The following COL18A1 variants were observed in gnomAD, a reference collection of about 807,000 sequenced individuals.
The protein encoded by COL18A1 is collagen type XVIII alpha 1 chain, also known as collagen alpha-1(XVIII) chain.
In COL18A1, 133 loss-of-function variants were observed where a neutral mutation model predicts 168.0. That is an observed-to-expected ratio of 0.79 (90% CI 0.69 to 0.91). The LOEUF (loss-of-function observed/expected upper bound fraction) is 0.91. Ranked by LOEUF, COL18A1 falls within the 40% of genes least tolerant of loss-of-function variation. The probability of loss-of-function intolerance (pLI) is 0.00; values close to 1 mark genes in which losing one functional copy is unlikely to be tolerated. For synonymous variants in COL18A1, 949 were observed against 809.0 expected (o/e 1.17, Z -2.94); for missense variants, 2,126 against 1,925.4 (o/e 1.10, Z -1.95).
intron 2 of COL18A1, among the ~76,000 whole-genome samples, chr21:45,453,165 GTA>G (rs899672601): frequency 3.9e-5 from 6 of 152,152 alleles, no homozygotes; most frequent in Non-Finnish European, 5.9e-5. Flanking sequence ...GTGTGAGCAT[GTA>G]TGTGTGTGTG....
At chr21:45,407,663 A>G (rs1248590566) in intron 2 of COL18A1, 2 of 152,292 alleles carry the variant, frequency 1.3e-5, no homozygotes, top group Non-Finnish European at 2.9e-5. Flanking sequence ...GCTGATGCCC[A>G]TGGCCACGCC....
chr21:45,473,960 G>A lies in COL18A1; in HGVS notation c.717G>A (p.Glu239=). The part of the protein sequence containing the change: ...PQVSPMHCLD[E]EGDDSDGASG... ...TGAGCCCCATGCACTGCCTGGACGA[G>A]GAAGGCGATGACTCAGATGGGGTGA... The change falls in exon 4 of 42, where the codon GAG becomes GAA. Residue 239 remains glutamate (E), a synonymous_variant. Coordinates refer to ENST00000651438, the MANE Select transcript of COL18A1 (RefSeq NM_001379500.1). This position sits in a 1 kb window ranked among gnomAD's most constrained non-coding sequence, Gnocchi z 4.0. 1 of 1,600,468 alleles carries A rather than the reference G, an allele frequency of 6.2e-7. No individual in the cohort carries two copies.
At chr21:45,470,569 C>T (rs2035384656) in intron 3 of COL18A1, among the ~76,000 whole-genome samples, 1 of 151,144 alleles carries the variant, frequency 6.6e-6, no homozygotes, top group South Asian at 2.1e-4. Flanking sequence ...TCACTGCAAC[C>T]TCTGCCTCCC....
chr21:45,497,729 T>G, intron 32 of COL18A1, 68 bp downstream of exon 32: 1 of 1,543,376 alleles, frequency 6.5e-7, no homozygotes, highest in Non-Finnish European at 8.8e-7. Flanking sequence ...TGGTCACACC[T>G]AGAGCCGCCA....
intron 2 of COL18A1, among the ~76,000 whole-genome samples, chr21:45,427,505 T>C (rs1054028449): frequency 4.6e-5 from 7 of 152,048 alleles, no homozygotes; most frequent in Non-Finnish European, 1.0e-4. Flanking sequence ...GGGCTCCGCC[T>C]CCCCCAGGCA....
chr21:45,489,588 G>T (rs2036227595), intron 19 of COL18A1, 67 bp downstream of exon 19: 4 of 1,077,806 alleles, frequency 3.7e-6, no homozygotes, highest in Non-Finnish European at 5.4e-6. Context: ...CCGGACACCT[G>T]CGGAGATCAG....
Position 45,509,351 on chromosome 21 carries a change from T to TGCAGGACAATG in COL18A1, c.3250-4_3256dup. On this transcript the variant is annotated splice_polypyrimidine_tract_variant and splice_region_variant and intron_variant, in intron 38 of 41. Coordinates refer to ENST00000651438, the MANE Select transcript of COL18A1 (RefSeq NM_001379500.1). ...GCCGACAGGCCCCACGTCTCCCACC[T>TGCAGGACAATG]GCAGGACAATGAAGTGGCCGCCTTG... 6.5e-7 allele frequency: 1 copy of TGCAGGACAATG among 1,545,676 alleles called. No individual in the cohort carries two copies. Among genetic ancestry groups the TGCAGGACAATG allele is most frequent in the Non-Finnish European group, 8.7e-7 (1 of 1,147,276 alleles).
At chr21:45,433,041 T>C (rs996160449) in intron 2 of COL18A1, among the ~76,000 whole-genome samples, 2 of 152,220 alleles carry the variant, frequency 1.3e-5, no homozygotes, top group African/African-American at 4.8e-5. Context: ...AAAACAGCAG[T>C]GTACACAGAT....
rs139121785 is a variant in COL18A1, at chr21:45,430,786, C to T, written c.106+25313C>T. On this transcript the variant is annotated intron_variant, in intron 2 of 41. Coordinates refer to ENST00000651438, the MANE Select transcript of COL18A1 (RefSeq NM_001379500.1). ...TCCCCGGCCCTCAGCCCGCACTCGT[C>T]CACCAAAGCAAGCTCCTTTGTGGGG... Among the ~76,000 whole-genome samples, 860 of 152,332 alleles carry T rather than the reference C, an allele frequency of 5.6e-3. 9 individuals are homozygous for T. The highest frequency in any genetic ancestry group is 0.019 in the African/African-American group (794 of 41,568).
Position 45,510,209 on chromosome 21 carries a change from A to T in COL18A1, c.3641A>T (p.Tyr1214Phe), listed in dbSNP as rs765484663. 1 of 1,605,024 alleles carries T rather than the reference A, an allele frequency of 6.2e-7. No homozygotes were observed. The highest frequency in any genetic ancestry group is 1.7e-5 in the Admixed American group (1 of 59,306). Residue 1214 changes from tyrosine (Y) to phenylalanine (F), a missense_variant, in exon 40 of 42, where the codon TAC becomes TTC. Coordinates refer to ENST00000651438, the MANE Select transcript of COL18A1 (RefSeq NM_001379500.1). ...AFLSSRLQDL[Y>F]SIVRRADRAA... Reference sequence around the variant, plus strand: ...CTGTCCTCGCGCCTGCAGGACCTGTACAGCATCGTGCGCCGTGCCGACCGC... The same window carrying T: ...CTGTCCTCGCGCCTGCAGGACCTGTTCAGCATCGTGCGCCGTGCCGACCGC...
chr21:45,510,097 G>T lies in COL18A1; in HGVS notation c.3529G>T (p.Gly1177Cys). 1 of 1,588,822 alleles carries T rather than the reference G, an allele frequency of 6.3e-7. No individual in the cohort carries two copies. The highest frequency in any genetic ancestry group is 8.5e-7 in the Non-Finnish European group (1 of 1,170,474). Residue 1177 changes from glycine to cysteine, a missense_variant, in exon 40 of 42, where the codon GGC (glycine) becomes TGC (cysteine). Coordinates refer to ENST00000651438, the MANE Select transcript of COL18A1 (RefSeq NM_001379500.1). Reference protein sequence around the residue: ...HLVALNSPLSGGMRGIRGADF... With the variant: ...HLVALNSPLSCGMRGIRGADF... ...GGTTGCGCTCAACAGCCCCCTGTCA[G>T]GCGGCATGCGGGGCATCCGCGGGGC... is the stretch of plus-strand genomic sequence containing the variant.
chr21:45,411,780 G>GGGGGGGGGGGGGGC (rs2033304561), intron 2 of COL18A1, among the ~76,000 whole-genome samples: 1 of 136,054 alleles, frequency 7.4e-6, no homozygotes, highest in African/African-American at 2.8e-5. Context: ...GGGGGGGCAG[G>GGGGGGGGGGGGGGC]CTGTGGTCAG....
rs1438846551 is a variant in COL18A1, at chr21:45,487,601, T to C, written c.1896+92T>C. ...GTCCCTGAGAGCCACCGGCCTTGCA[T>C]GGGATCGGAAGCCGCCCTGCAGAGC... On this transcript the variant is annotated intron_variant, in intron 17 of 41. Coordinates refer to ENST00000651438, the MANE Select transcript of COL18A1 (RefSeq NM_001379500.1). The C allele has an allele frequency of 2.6e-6, 4 of 1,542,350 alleles. No homozygotes were observed. The African/African-American group carries it at 4.1e-5, about 16-fold the overall frequency.
chr21:45,511,003 C>A, intron 40 of COL18A1, 108 bp from the exon 41 acceptor site: 1 of 10,672 alleles, frequency 9.4e-5, no homozygotes, highest in South Asian at 2.3e-3. Context: ...ACACAACACA[C>A]CCCCCCCCCA....
intron 2 of COL18A1, among the ~76,000 whole-genome samples, chr21:45,451,283 G>A (rs1447638881): frequency 6.6e-6 from 1 of 152,252 alleles, no homozygotes; most frequent in Non-Finnish European, 1.5e-5. Context: ...CAGGGATAGA[G>A]CAGGGAGTCA....
At chr21:45,435,800 G>C (rs578083844) in intron 2 of COL18A1, among the ~76,000 whole-genome samples, 5 of 152,306 alleles carry the variant, frequency 3.3e-5, no homozygotes, top group African/African-American at 9.6e-5. Flanking sequence ...CCCTGGCACA[G>C]GTCTGCTCGG....
intron 3 of COL18A1, among the ~76,000 whole-genome samples, chr21:45,472,086 A>AGGGCCTCAC (rs2035453073): frequency 6.6e-6 from 1 of 152,132 alleles, no homozygotes; most frequent in Admixed American, 6.5e-5. Context: ...TGGGGGGGTC[A>AGGGCCTCAC]GGGCCTCACG....
At chr21:45,476,002 C>G (rs2035635139) in intron 5 of COL18A1, among the ~76,000 whole-genome samples, 1 of 152,202 alleles carries the variant, frequency 6.6e-6, no homozygotes, top group African/African-American at 2.4e-5. Flanking sequence ...AGCCGCGGGA[C>G]TGAGGCGCGG....
intron 30 of COL18A1, 83 bp from the exon 31 acceptor site, chr21:45,496,967 T>C: frequency 1.1e-6 from 1 of 906,106 alleles, no homozygotes; most frequent in Non-Finnish European, 1.8e-6. Flanking sequence ...GGCTGGTGCT[T>C]CTGGGCTTGG....
Sources: allele counts gnomAD v4.1 joint callset (sites outside exome capture counted in the v4.1 genomes callset), GRCh38; gene constraint gnomAD v4.1.1; non-coding constraint Gnocchi (gnomAD v3.1); transcripts MANE v1.5; gene names NCBI Gene and HGNC (gene_info 2026-07-23, HGNC 2026-07-21).